Variants in SCAPER observed in about 807,000 individuals in gnomAD.
SCAPER encodes S-phase cyclin A associated protein in the ER, also known as S phase cyclin A-associated protein in the endoplasmic reticulum.
A neutral mutation model predicts 182.2 loss-of-function variants in SCAPER; 98 were observed. The observed-to-expected ratio is 0.54, with a 90% CI of 0.46 to 0.64. The LOEUF (loss-of-function observed/expected upper bound fraction) is 0.64. Ranked by LOEUF, SCAPER falls within the 30% of genes least tolerant of loss-of-function variation. The pLI, the probability that SCAPER is intolerant of heterozygous loss-of-function variation, is 0.00. For synonymous variants in SCAPER, 605 were observed against 564.6 expected, an observed-to-expected ratio of 1.07 and a Z score of -1.01; for missense variants, 1,432 against 1,690.0, an observed-to-expected ratio of 0.85 and a Z score of 2.68.
At position 76,827,585 on chromosome 15, in the gene SCAPER, A is replaced by C. The variant is rs371234700; in HGVS notation, c.393+14149T>G. On this transcript the variant is annotated intron_variant, in intron 5 of 31. Transcript: ENST00000563290. ...AAAAAACTAGAGGAGGACACACCAA[A>C]AAGATAACACTTCATCGGAGAGTAA... 1.1e-4 allele frequency among the ~76,000 whole-genome samples: 17 copies of C among 152,326 alleles called. No homozygotes were observed. The East Asian group carries it at 2.9e-3, about 26-fold the overall frequency.
At chr15:76,769,642 G>A (rs977776423) in intron 10 of SCAPER, among the ~76,000 whole-genome samples, 2 of 150,472 alleles carry the variant, frequency 1.3e-5, no homozygotes, top group African/African-American at 4.9e-5. Context: ...TTAGAACGGC[G>A]ATCATTAAAA....
rs564139922 is a variant in SCAPER at position 76,855,992 on chromosome 15, T to G, written c.195+1817A>C. ...ACGTGAATGTTCACTGCAGCACTATTCACAATAGCAAAGAAATGGAATCAA... is the reference window on the plus strand; with the variant it reads ...ACGTGAATGTTCACTGCAGCACTATGCACAATAGCAAAGAAATGGAATCAA... On this transcript the variant is annotated intron_variant, in intron 4 of 31. Coordinates refer to ENST00000563290, the MANE Select transcript of SCAPER (RefSeq NM_020843.4). 27 of 184,774 alleles carry G rather than the reference T, an allele frequency of 1.5e-4. No homozygotes were observed. In the East Asian group the frequency reaches 3.5e-3, roughly 24 times the overall value. 11.4% of individuals were successfully genotyped at this position (184,774 alleles called of 1,614,324 possible).
intron 29 of SCAPER, among the ~76,000 whole-genome samples, chr15:76,373,036 T>TTTTA (rs1555415105): frequency 1.7e-4 from 7 of 42,208 alleles, no homozygotes; most frequent in African/African-American, 2.4e-4. Context: ...TTTCTTTCCT[T>TTTTA]TTTCTTTCTT....
chr15:76,794,741 A>C (rs554954586), intron 8 of SCAPER, among the ~76,000 whole-genome samples: 130 of 152,310 alleles, frequency 8.5e-4, no homozygotes, highest in East Asian at 1.7e-3. Flanking sequence ...CTACATAAAA[A>C]GATGTTTACA....
intron 20 of SCAPER, among the ~76,000 whole-genome samples, chr15:76,701,195 C>A (rs2058929013): frequency 6.6e-6 from 1 of 151,432 alleles, no homozygotes; most frequent in Non-Finnish European, 1.5e-5. Context: ...AGTTGCTTAA[C>A]AAATATGAAT....
intron 26 of SCAPER, among the ~76,000 whole-genome samples, chr15:76,429,867 T>A (rs1174120442): frequency 6.6e-6 from 1 of 152,176 alleles, no homozygotes; most frequent in Non-Finnish European, 1.5e-5. Flanking sequence ...GAGGAAAATG[T>A]CGCCAGGGCA....
intron 28 of SCAPER, among the ~76,000 whole-genome samples, chr15:76,379,274 A>G (rs1207859151): frequency 6.6e-6 from 1 of 152,026 alleles, no homozygotes; most frequent in Non-Finnish European, 1.5e-5. Flanking sequence ...ATAAGAGAGG[A>G]GAGACAGGAG....
chr15:76,661,269 G>A (rs1266291015), intron 21 of SCAPER, among the ~76,000 whole-genome samples: 1 of 152,076 alleles, frequency 6.6e-6, no homozygotes, highest in Middle Eastern at 3.2e-3. Context: ...ACAGGCATGG[G>A]CAAAGATTTT....
At chr15:76,374,819 G>A (rs1049191819) in intron 29 of SCAPER, among the ~76,000 whole-genome samples, 2 of 151,992 alleles carry the variant, frequency 1.3e-5, no homozygotes, top group African/African-American at 4.8e-5. Context: ...GAGGTTGTCA[G>A]GAATTACTAT....
intron 25 of SCAPER, among the ~76,000 whole-genome samples, chr15:76,438,814 T>C (rs1355316701): frequency 9.2e-5 from 14 of 152,214 alleles, no homozygotes; most frequent in Non-Finnish European, 1.5e-4. Context: ...CATAGAAAAT[T>C]TCATTTTTTC....
intron 20 of SCAPER, among the ~76,000 whole-genome samples, chr15:76,687,270 T>C (rs1024930591): frequency 2.0e-5 from 3 of 152,142 alleles, no homozygotes; most frequent in Non-Finnish European, 2.9e-5. Flanking sequence ...ATATGTTATA[T>C]ATACCCAGAG....
At chr15:76,559,300 C>T (rs921848725) in intron 23 of SCAPER, among the ~76,000 whole-genome samples, 1 of 151,118 alleles carries the variant, frequency 6.6e-6, no homozygotes, top group Admixed American at 6.6e-5. Flanking sequence ...AAGTGATCCA[C>T]CTGCCTTGGC....
chr15:76,902,799 G>A (rs1394321423), intron 1 of SCAPER, among the ~76,000 whole-genome samples: 2 of 152,224 alleles, frequency 1.3e-5, no homozygotes, highest in Admixed American at 6.5e-5. Flanking sequence ...GCGCACGCCT[G>A]TAATCCCAGC....
rs549018514 is a variant in SCAPER, at chr15:76,593,380, G to A, written c.2712-19096C>T. Among the ~76,000 whole-genome samples, 7 of 121,288 alleles carry A rather than the reference G, an allele frequency of 5.8e-5. 2 individuals are homozygous for A. In the South Asian group the frequency reaches 1.8e-3, roughly 31 times the overall value. 79.6% of individuals were successfully genotyped at this position (121,288 alleles called of 152,430 possible). A position where few individuals can be genotyped will look rare whatever the true frequency, so the allele number is the denominator to read the frequency against. On this transcript the variant is annotated intron_variant, in intron 22 of 31. Transcript: ENST00000563290. Reference sequence around the variant, plus strand: ...GGGCAGAGCACCTGGGGGAAGGGGCGGCTGTGGGCACAGCTTCAGGAGACT... The same window carrying A: ...GGGCAGAGCACCTGGGGGAAGGGGCAGCTGTGGGCACAGCTTCAGGAGACT...
chr15:76,448,670 A>G (rs1175213997), intron 25 of SCAPER, among the ~76,000 whole-genome samples: 1 of 152,162 alleles, frequency 6.6e-6, no homozygotes, highest in Admixed American at 6.5e-5. Context: ...ACATATCAAC[A>G]TTTGCAAAAT....
chr15:76,454,821 T>A (rs1416991820), intron 25 of SCAPER, among the ~76,000 whole-genome samples: 2 of 152,146 alleles, frequency 1.3e-5, no homozygotes, highest in Non-Finnish European at 2.9e-5. Context: ...TTGCTGGAAG[T>A]TGGCCATAGC....
chr15:76,638,917 T>C (rs894811910), intron 21 of SCAPER, among the ~76,000 whole-genome samples: 4 of 152,192 alleles, frequency 2.6e-5, no homozygotes, highest in African/African-American at 9.7e-5. Context: ...TAGGCAACCA[T>C]TTTACAGATG....
chr15:76,680,682 G>C (rs1364834195), intron 20 of SCAPER, among the ~76,000 whole-genome samples: 1 of 151,978 alleles, frequency 6.6e-6, no homozygotes, highest in Non-Finnish European at 1.5e-5. Context: ...GTTAAAAAGA[G>C]CCTAGAACCT....
intron 11 of SCAPER, among the ~76,000 whole-genome samples, chr15:76,765,977 C>A (rs971838959): frequency 1.3e-5 from 2 of 152,078 alleles, no homozygotes; most frequent in African/African-American, 4.8e-5. Context: ...ATTTAATAAA[C>A]CAATATGTAA....
Sources: gnomAD v4.1 joint callset for allele counts (sites outside exome capture counted in the v4.1 genomes callset) on GRCh38, gnomAD v4.1.1 for gene constraint, MANE v1.5 for transcripts, NCBI Gene and HGNC (gene_info 2026-07-23, HGNC 2026-07-21) for gene names.